Variants in COL19A1 observed in about 807,000 individuals in gnomAD.
COL19A1 encodes the protein collagen alpha-1(XIX) chain.
A neutral mutation model predicts 190.2 loss-of-function variants in COL19A1; 159 were observed. That is an observed-to-expected ratio of 0.84 (90% CI 0.73 to 0.95). The LOEUF (loss-of-function observed/expected upper bound fraction) is 0.95, where lower values mean the gene tolerates loss of function less well. Ranked by LOEUF, COL19A1 falls within the 40% of genes least tolerant of loss-of-function variation. The pLI is 0.00. For missense variants in COL19A1, 1,418 were observed against 1,431.9 expected (o/e 0.99, Z 0.16); for synonymous variants, 509 against 458.9 (o/e 1.11, Z -1.39).
In COL19A1 at chr6:70,090,687, G is replaced by C. The variant is rs1582887051; in HGVS notation, c.1225-11482G>C. Among the ~76,000 whole-genome samples the C allele has an allele frequency of 2.0e-5, 3 of 152,110 alleles. No individual in the cohort carries two copies. The East Asian group carries it at 5.8e-4, about 29-fold the overall frequency. ...GAATTTGGTGGCAATTTTACCTTCT[G>C]GCCTATTATCTACCTAAGCAGGTGC... On this transcript the variant is annotated intron_variant, in intron 15 of 50. Transcript: ENST00000620364.
intron 4 of COL19A1, among the ~76,000 whole-genome samples, chr6:69,926,142 A>G (rs1772375881): frequency 6.6e-6 from 1 of 152,160 alleles, no homozygotes; most frequent in Non-Finnish European, 1.5e-5. Context: ...GAGTGGTGAG[A>G]GAGGGCATCC....
chr6:69,978,061 C>T (rs1163910740), intron 11 of COL19A1, among the ~76,000 whole-genome samples: 1 of 152,102 alleles, frequency 6.6e-6, no homozygotes, highest in East Asian at 1.9e-4. Context: ...TATGTGTTAC[C>T]TCTGTGAACT....
intron 15 of COL19A1, among the ~76,000 whole-genome samples, chr6:70,096,263 A>ATT (rs35582806): frequency 0.074 from 10,803 of 145,508 alleles, 415 homozygotes; most frequent in African/African-American, 0.089. Flanking sequence ...TAATTTTTGT[A>ATT]TTTTTTTTTT....
chr6:70,100,184 G>A (rs1222888884), intron 15 of COL19A1, among the ~76,000 whole-genome samples: 2 of 152,124 alleles, frequency 1.3e-5, no homozygotes, highest in Non-Finnish European at 2.9e-5. Flanking sequence ...TATGCTTAAG[G>A]AAAGAACCAA....
intron 17 of COL19A1, among the ~76,000 whole-genome samples, chr6:70,126,579 G>C (rs1785210131): frequency 6.6e-6 from 1 of 152,184 alleles, no homozygotes; most frequent in Non-Finnish European, 1.5e-5. Context: ...GTTTTTTGCA[G>C]ATAACTAAGA....
chr6:70,111,483 G>A (rs1045836629), intron 16 of COL19A1, among the ~76,000 whole-genome samples: 9 of 152,214 alleles, frequency 5.9e-5, no homozygotes, highest in South Asian at 4.1e-4. Context: ...TGACAACATA[G>A]GATTTTGGAC....
chr6:70,066,719 A>G (rs1230218566), intron 14 of COL19A1, among the ~76,000 whole-genome samples: 1 of 152,052 alleles, frequency 6.6e-6, no homozygotes, highest in Non-Finnish European at 1.5e-5. Context: ...CAACGTAGCC[A>G]TCACTTTTTA....
At chr6:70,142,882 A>G in intron 23 of COL19A1, 62 bp downstream of exon 23, 2 of 1,453,990 alleles carry the variant, frequency 1.4e-6, no homozygotes, top group East Asian at 2.3e-5. Context: ...GTTTTTAAAA[A>G]CATCAACATG....
chr6:70,086,597 A>G (rs1334198954), intron 15 of COL19A1, among the ~76,000 whole-genome samples: 2 of 152,298 alleles, frequency 1.3e-5, no homozygotes, highest in Admixed American at 6.5e-5. Flanking sequence ...GCATTTTAAA[A>G]CTATCTCAAC....
In COL19A1 at chr6:70,021,092, GACA is replaced by G. The variant is rs1392257094; in HGVS notation, c.1027-2530_1027-2528del. 2.0e-5 allele frequency among the ~76,000 whole-genome samples: 3 copies of G among 152,168 alleles called. No individual in the cohort carries two copies. The East Asian group carries it at 5.8e-4, about 29-fold the overall frequency. On this transcript the variant is annotated intron_variant, in intron 11 of 50. Coordinates refer to ENST00000620364, the MANE Select transcript of COL19A1 (RefSeq NM_001858.6). ...TATTGAATGAGCGTTTTATAAAAAT[GACA>G]ACAATAAATCAAATAAATTTTAATG...
At chr6:70,159,970 G>C (rs1410571632) in intron 34 of COL19A1, among the ~76,000 whole-genome samples, 4 of 151,986 alleles carry the variant, frequency 2.6e-5, no homozygotes, top group Non-Finnish European at 1.5e-5. Flanking sequence ...TCTCATAATA[G>C]AAGTGATCTC....
intron 9 of COL19A1, among the ~76,000 whole-genome samples, chr6:69,959,190 G>A (rs921999152): frequency 3.0e-4 from 46 of 152,256 alleles, no homozygotes; most frequent in Admixed American, 9.8e-4. Context: ...TCCAGCAATG[G>A]AAACTAAAAG....
At chr6:70,135,285 G>A (rs1170805938) in intron 18 of COL19A1, among the ~76,000 whole-genome samples, 1 of 152,058 alleles carries the variant, frequency 6.6e-6, no homozygotes, top group African/African-American at 2.4e-5. Context: ...CATTATGTAG[G>A]CGTGATTGAT....
chr6:70,196,586 G>A (rs1023991167), intron 48 of COL19A1, among the ~76,000 whole-genome samples: 5 of 152,148 alleles, frequency 3.3e-5, no homozygotes, highest in African/African-American at 1.2e-4. Flanking sequence ...TCTAAAATAC[G>A]TAGTTTATCA....
intron 1 of COL19A1, among the ~76,000 whole-genome samples, chr6:69,875,131 G>T (rs1768061796): frequency 1.3e-5 from 2 of 152,206 alleles, no homozygotes. Flanking sequence ...TCAGGTAAGG[G>T]CTTTTGCGCA....
intron 15 of COL19A1, among the ~76,000 whole-genome samples, chr6:70,085,277 G>A (rs964795113): frequency 6.6e-6 from 1 of 152,170 alleles, no homozygotes. Flanking sequence ...GTGAAATCCA[G>A]CCTGTGCCCT....
chr6:70,127,199 A>C (rs1329862038), intron 17 of COL19A1, among the ~76,000 whole-genome samples: 1 of 152,214 alleles, frequency 6.6e-6, no homozygotes, highest in Non-Finnish European at 1.5e-5. Flanking sequence ...ATGACAGCTG[A>C]AACTTCTGAG....
At chr6:69,938,995 T>TC (rs1364878471) in intron 9 of COL19A1, among the ~76,000 whole-genome samples, 1 of 151,914 alleles carries the variant, frequency 6.6e-6, no homozygotes, top group African/African-American at 2.4e-5. Context: ...AATCTATTGC[T>TC]CCCCCCGCTT....
chr6:70,009,810 A>G (rs1777875752), intron 11 of COL19A1, among the ~76,000 whole-genome samples: 1 of 137,950 alleles, frequency 7.2e-6, no homozygotes, highest in Non-Finnish European at 1.5e-5. Flanking sequence ...GGCTTTCAAC[A>G]GGGGTACAAA....
Sources: gnomAD v4.1 joint callset for allele counts (sites outside exome capture counted in the v4.1 genomes callset) on GRCh38, gnomAD v4.1.1 for gene constraint, MANE v1.5 for transcripts, NCBI Gene and HGNC (gene_info 2026-07-23, HGNC 2026-07-21) for gene names.